Variants in ELF4 observed in about 807,000 individuals in gnomAD.
The protein encoded by ELF4 is E74 like ETS transcription factor 4.
A neutral mutation model predicts 31.7 loss-of-function variants in ELF4; 10 were observed. The observed-to-expected ratio is 0.32, with a 90% CI of 0.19 to 0.54. ELF4 has a LOEUF of 0.54. Among genes scored for constraint, ELF4 ranks in the 20% least tolerant of loss-of-function variants. The probability of loss-of-function intolerance (pLI) is 0.95; values close to 1 mark genes in which losing one functional copy is unlikely to be tolerated. For missense variants in ELF4, 418 were observed against 522.0 expected (o/e 0.80, Z 1.94); for synonymous variants, 208 against 226.7 (o/e 0.92, Z 0.74).
intron 1 of ELF4, among the ~76,000 whole-genome samples, chrX:130,109,703 T>C (rs186390201): frequency 7.1e-5 from 8 of 112,494 alleles, no homozygotes; most frequent in Admixed American, 2.8e-4. Context: ...AGCAAGGCGC[T>C]GGCGTGAGGG....
At chrX:130,087,213 T>C (rs1932975287) in intron 1 of ELF4, among the ~76,000 whole-genome samples, 2 of 112,186 alleles carry the variant, frequency 1.8e-5, no homozygotes, top group Admixed American at 1.9e-4. Context: ...GAGAACCCAC[T>C]GCAGGAAAAG....
rs1220633924 is a variant in ELF4 at position 130,065,235 on chromosome X, G to A, written c.*1486C>T. On this transcript the variant is annotated 3_prime_UTR_variant, in exon 9 of 9. Coordinates refer to ENST00000308167, the MANE Select transcript of ELF4 (RefSeq NM_001421.4). ...TCCGTGGCTGACATTTCTTAGCCTT[G>A]CCCTCAAACTTGGCAGGAGGGAGGC... 3 of 173,861 alleles carry A rather than the reference G, an allele frequency of 1.7e-5. No homozygotes were observed. Among genetic ancestry groups the A allele is most frequent in the African/African-American group, 8.9e-5 (3 of 33,841 alleles). The allele number at this position is 173,861 out of a possible 1,213,427, so 14.3% of individuals were successfully genotyped here.
chrX:130,087,119 C>T (rs146727962), intron 1 of ELF4, among the ~76,000 whole-genome samples: 4,768 of 112,789 alleles, frequency 0.042, 105 homozygotes, highest in Middle Eastern at 0.073. Flanking sequence ...AAGAGCACCC[C>T]CTGGAAGTGC....
intron 4 of ELF4, among the ~76,000 whole-genome samples, chrX:130,073,846 C>T (rs1932809627): frequency 8.9e-6 from 1 of 112,696 alleles, no homozygotes; most frequent in Admixed American, 9.4e-5. Flanking sequence ...CGTGCTACAA[C>T]ATGGATGGAC....
rs1198136557 is a variant in ELF4 at position 130,076,364 on chromosome X, TA to T, written c.76-1613del. 5.4e-5 allele frequency among the ~76,000 whole-genome samples: 6 copies of T among 110,171 alleles called. No individual in the cohort carries two copies. The East Asian group carries it at 1.4e-3, about 26-fold the overall frequency. On this transcript the variant is annotated intron_variant, in intron 2 of 8. Transcript: ENST00000308167. The stretch of plus-strand genomic sequence containing the variant: ...AACACAGCAAGACCCTATCTCTATT[TA>T]AAAAAAAATTAAAAAGAAAAAACCT...
chrX:130,099,400 C>T (rs1933206575), intron 1 of ELF4, among the ~76,000 whole-genome samples: 1 of 110,975 alleles, frequency 9.0e-6, no homozygotes, highest in Non-Finnish European at 1.9e-5. Flanking sequence ...ATGGTGAAAC[C>T]CCGTCTCTAC....
chrX:130,103,200 T>A (rs920687203), intron 1 of ELF4, among the ~76,000 whole-genome samples: 3 of 111,805 alleles, frequency 2.7e-5, no homozygotes, highest in Non-Finnish European at 5.6e-5. Context: ...TCATCAAAAT[T>A]TAAAATGTTT....
chrX:130,067,471 G>C lies in ELF4; in HGVS notation c.1242C>G (p.Gly414=). ...GGATCGTCTGCAGGGTCAGGGCCGAGCCCGACCCCACGGGGGCCACTCCTA... is the reference window on the plus strand; with the variant it reads ...GGATCGTCTGCAGGGTCAGGGCCGACCCCGACCCCACGGGGGCCACTCCTA... ...IHLGVAPVGS[G]SALTLQTIPL... The change falls in exon 9 of 9, where the codon GGC becomes GGG. Residue 414 remains glycine, a synonymous_variant. Coordinates refer to ENST00000308167, the MANE Select transcript of ELF4 (RefSeq NM_001421.4). 3 of 1,211,840 alleles carry C rather than the reference G, an allele frequency of 2.5e-6. No individual in the cohort carries two copies. The South Asian group carries it at 5.3e-5, about 21-fold the overall frequency.
chrX:130,100,597 A>G (rs1933236139), intron 1 of ELF4, among the ~76,000 whole-genome samples: 1 of 111,492 alleles, frequency 9.0e-6, no homozygotes. Flanking sequence ...CAAGGGCCCA[A>G]TCACATCCAC....
At chrX:130,074,542 T>A (rs1460006461) in intron 3 of ELF4, 39 bp downstream of exon 3, 2 of 1,209,108 alleles carry the variant, frequency 1.7e-6, no homozygotes, top group Non-Finnish European at 2.2e-6. Context: ...CACAGCCCCT[T>A]TTTCTACCAC....
At chrX:130,084,832 C>A (rs1445726165) in intron 1 of ELF4, among the ~76,000 whole-genome samples, 1 of 111,783 alleles carries the variant, frequency 8.9e-6, no homozygotes. Context: ...AGTGAACCCC[C>A]CCTTCAGTCC....
At chrX:130,098,424 A>G (rs1933189018) in intron 1 of ELF4, among the ~76,000 whole-genome samples, 1 of 111,214 alleles carries the variant, frequency 9.0e-6, no homozygotes, top group Middle Eastern at 4.7e-3. Context: ...CCGGGCAGAT[A>G]TATTTGTTTT....
chrX:130,068,158 A>G (rs1932732818), intron 8 of ELF4, among the ~76,000 whole-genome samples: 1 of 112,088 alleles, frequency 8.9e-6, no homozygotes, highest in South Asian at 3.7e-4. Context: ...TAGGTCAGGG[A>G]TCATTCTAAA....
chrX:130,089,509 CA>C (rs777456574), intron 1 of ELF4, among the ~76,000 whole-genome samples: 24 of 19,458 alleles, frequency 1.2e-3, no homozygotes, highest in African/African-American at 7.0e-3. Context: ...GACCTCAGCT[CA>C]AAAAAAAAAA....
intron 1 of ELF4, among the ~76,000 whole-genome samples, chrX:130,104,700 T>C (rs1027463698): frequency 9.8e-5 from 11 of 112,155 alleles, no homozygotes; most frequent in South Asian, 3.7e-4. Context: ...GCCAGTAAGT[T>C]TGGCATATAA....
intron 1 of ELF4, among the ~76,000 whole-genome samples, chrX:130,104,590 T>TTA (rs1193556832): frequency 8.9e-6 from 1 of 111,744 alleles, no homozygotes; most frequent in East Asian, 2.8e-4. Context: ...GCTGAGTGCT[T>TTA]TATATGCATC....
intron 2 of ELF4, among the ~76,000 whole-genome samples, chrX:130,077,820 T>C (rs937405386): frequency 8.9e-6 from 1 of 112,090 alleles, no homozygotes; most frequent in African/African-American, 3.2e-5. Flanking sequence ...TGGCGTAGAC[T>C]AAGCTCTCAT....
intron 5 of ELF4, 42 bp downstream of exon 5, chrX:130,072,184 A>G (rs900939681): frequency 8.8e-6 from 5 of 566,021 alleles, no homozygotes; most frequent in South Asian, 4.5e-5. Context: ...CGCCCCGCCC[A>G]TCCCCTCGGA....
intron 1 of ELF4, among the ~76,000 whole-genome samples, chrX:130,085,059 A>T (rs1461967768): frequency 3.6e-5 from 4 of 112,010 alleles, no homozygotes; most frequent in African/African-American, 1.3e-4. Context: ...CGGGGAATTG[A>T]GGAGCCTGTG....
Sources: gnomAD v4.1 joint callset for allele counts (sites outside exome capture counted in the v4.1 genomes callset) on GRCh38, gnomAD v4.1.1 for gene constraint, MANE v1.5 for transcripts, NCBI Gene and HGNC (gene_info 2026-07-23, HGNC 2026-07-21) for gene names.